The following SND1 variants were observed in gnomAD, a reference collection of about 807,000 sequenced individuals.
SND1 encodes staphylococcal nuclease and tudor domain containing 1.
Under a neutral mutation model 121.7 loss-of-function variants are expected in SND1, and 38 were observed. The observed-to-expected ratio is 0.31, with a 90% confidence interval of 0.24 to 0.41. SND1 has a LOEUF of 0.41. Ranked by LOEUF, SND1 falls within the 10% of genes least tolerant of loss-of-function variation. The probability of loss-of-function intolerance (pLI) is 1.00; values close to 1 mark genes in which losing one functional copy is unlikely to be tolerated. For synonymous variants in SND1, 401 were observed against 447.4 expected (o/e 0.90, Z 1.31); for missense variants, 868 against 1,184.6 (o/e 0.73, Z 3.92).
intron 15 of SND1, among the ~76,000 whole-genome samples, chr7:127,945,634 G>T (rs1801313787): frequency 6.6e-6 from 1 of 152,106 alleles, no homozygotes; most frequent in African/African-American, 2.4e-5. Context: ...TCCTAGATCT[G>T]CCCCCAAAGT....
intron 16 of SND1, among the ~76,000 whole-genome samples, chr7:128,019,951 C>T (rs896432136): frequency 1.3e-5 from 2 of 152,188 alleles, no homozygotes; most frequent in Non-Finnish European, 1.5e-5. Flanking sequence ...GAGCGGGACT[C>T]CAGGCTTCTC....
chr7:127,698,192 G>T (rs181507900), intron 3 of SND1, among the ~76,000 whole-genome samples: 1 of 152,152 alleles, frequency 6.6e-6, no homozygotes, highest in Non-Finnish European at 1.5e-5. Flanking sequence ...GAGAGCAAGA[G>T]AAAGTCTTTG....
At chr7:127,745,962 C>G (rs574285204) in intron 10 of SND1, among the ~76,000 whole-genome samples, 2 of 152,186 alleles carry the variant, frequency 1.3e-5, no homozygotes, top group Non-Finnish European at 2.9e-5. Context: ...GCTTACACTG[C>G]TTATTGTGAG....
chr7:127,660,009 CTTTT>C (rs58679623), intron 1 of SND1, among the ~76,000 whole-genome samples: 1 of 133,734 alleles, frequency 7.5e-6, no homozygotes, highest in African/African-American at 2.9e-5. Flanking sequence ...TGTTCCTATT[CTTTT>C]TTTTTTTTTT....
chr7:128,022,853 G>A (rs963534410), intron 16 of SND1, among the ~76,000 whole-genome samples: 5 of 152,138 alleles, frequency 3.3e-5, no homozygotes, highest in African/African-American at 9.7e-5. Context: ...TAGGGAACAG[G>A]ACTGTTGTGG....
At chr7:128,049,842 G>C (rs1016895113) in intron 16 of SND1, among the ~76,000 whole-genome samples, 20 of 152,230 alleles carry the variant, frequency 1.3e-4, no homozygotes, top group Non-Finnish European at 2.2e-4. Context: ...CCAGGGTACA[G>C]TGGATCTCTG....
intron 16 of SND1, among the ~76,000 whole-genome samples, chr7:128,061,103 A>C (rs1421249231): frequency 6.6e-6 from 1 of 152,196 alleles, no homozygotes; most frequent in African/African-American, 2.4e-5. Context: ...CAGGCTGGGC[A>C]AATAGTAGGG....
chr7:127,686,513 CA>C, intron 1 of SND1, 99 bp from the exon 2 acceptor site: 1 of 1,309,294 alleles, frequency 7.6e-7, no homozygotes, highest in Non-Finnish European at 1.1e-6. Flanking sequence ...CTTTGAAGTG[CA>C]AATGCTATTT....
chr7:128,027,041 TACTC>T (rs957537022), intron 16 of SND1: 1 of 152,498 alleles, frequency 6.6e-6, no homozygotes, highest in African/African-American at 2.4e-5. Flanking sequence ...TTCAGGGTCT[TACTC>T]AATTTAACCC....
intron 10 of SND1, among the ~76,000 whole-genome samples, chr7:127,805,329 G>A (rs941970935): frequency 6.6e-6 from 1 of 152,140 alleles, no homozygotes; most frequent in Non-Finnish European, 1.5e-5. Context: ...TCAGAGCTCA[G>A]CCACCCCAGA....
At chr7:127,784,300 G>A (rs907706764) in intron 10 of SND1, among the ~76,000 whole-genome samples, 7 of 152,098 alleles carry the variant, frequency 4.6e-5, no homozygotes, top group Admixed American at 3.9e-4. Flanking sequence ...CGTCTCTGCC[G>A]GGCAAACAAA....
intron 12 of SND1, among the ~76,000 whole-genome samples, chr7:127,865,669 G>A (rs1162002027): frequency 1.3e-5 from 2 of 151,960 alleles, no homozygotes; most frequent in Admixed American, 1.3e-4. Flanking sequence ...AGGCTGGAAT[G>A]CAGTGACACA....
At chr7:128,065,172 A>G (rs543118161) in intron 16 of SND1, among the ~76,000 whole-genome samples, 17 of 152,348 alleles carry the variant, frequency 1.1e-4, no homozygotes, top group African/African-American at 3.8e-4. Context: ...TAACTGATGG[A>G]AATGGGTACC....
At chr7:127,910,303 G>T (rs1800427740) in intron 14 of SND1, among the ~76,000 whole-genome samples, 1 of 152,092 alleles carries the variant, frequency 6.6e-6, no homozygotes, top group Admixed American at 6.6e-5. Context: ...AATTAGCCAG[G>T]CGTGGTCGCG....
At chr7:128,055,593 C>T (rs985186606) in intron 16 of SND1, among the ~76,000 whole-genome samples, 6 of 152,136 alleles carry the variant, frequency 3.9e-5, no homozygotes, top group Admixed American at 2.0e-4. Flanking sequence ...ATAGATGCAA[C>T]GAGCCCCAAA....
In SND1 at chr7:128,092,007, C is replaced by A; in HGVS notation, c.2682C>A (p.Arg894=). ...TTTTCTTACAGCTGAACCTGTGGCGCTATGGAGACTTTCGAGCTGATGATG... is the reference window on the plus strand; with the variant it reads ...TTTTCTTACAGCTGAACCTGTGGCGATATGGAGACTTTCGAGCTGATGATG... The part of the protein sequence containing the change: ...SAKSARLNLW[R]YGDFRADDAD... The change falls in exon 24 of 24, where the codon CGC becomes CGA. Residue 894 remains arginine (R), a synonymous_variant. Coordinates refer to ENST00000354725, the MANE Select transcript of SND1 (RefSeq NM_014390.4). The surrounding 1 kb of genome is among the most constrained non-coding windows in gnomAD (Gnocchi z 4.9). 6.2e-7 allele frequency: 1 copy of A among 1,614,184 alleles called. No homozygotes were observed. Among genetic ancestry groups the A allele is most frequent in the Non-Finnish European group, 8.5e-7 (1 of 1,179,998 alleles).
intron 1 of SND1, among the ~76,000 whole-genome samples, chr7:127,671,498 ATTTG>A (rs570526492): frequency 2.5e-3 from 379 of 152,154 alleles, no homozygotes; most frequent in Non-Finnish European, 4.3e-3. Context: ...CTCCTGGTTT[ATTTG>A]TTTGTTTGTT....
chr7:127,968,955 TC>T (rs1449667802), intron 15 of SND1, among the ~76,000 whole-genome samples: 3 of 152,178 alleles, frequency 2.0e-5, no homozygotes, highest in Admixed American at 2.0e-4. Context: ...TGAGGTATGG[TC>T]CTCTGGGCAG....
chr7:127,722,529 T>TA lies in SND1; in HGVS notation c.1152+1137dup, dbSNP rs573207569. Among the ~76,000 whole-genome samples, 249 of 151,702 alleles carry TA rather than the reference T, an allele frequency of 1.6e-3. 1 individual carries two copies. Among genetic ancestry groups the TA allele is most frequent in the Non-Finnish European group, 2.8e-3 (192 of 67,856 alleles). On this transcript the variant is annotated intron_variant, in intron 10 of 23. Coordinates refer to ENST00000354725, the MANE Select transcript of SND1 (RefSeq NM_014390.4). The stretch of plus-strand genomic sequence containing the variant: ...ATGCCTTTATACAAAAAGGATGGGA[T>TA]AAAAAAAATCCCTTTTGTATAAAGG...
Sources: allele counts gnomAD v4.1 joint callset (sites outside exome capture counted in the v4.1 genomes callset), GRCh38; gene constraint gnomAD v4.1.1; non-coding constraint Gnocchi (gnomAD v3.1); transcripts MANE v1.5; gene names NCBI Gene and HGNC (gene_info 2026-07-23, HGNC 2026-07-21).